NKAIN2: variants seen among roughly 807,000 people sequenced by gnomAD.
NKAIN2 encodes sodium/potassium-transporting ATPase subunit beta-1-interacting protein 2.
A neutral mutation model predicts 32.6 loss-of-function variants in NKAIN2; 14 were observed. The ratio of observed to expected loss-of-function variants is 0.43; its 90% CI spans 0.28 to 0.67. The LOEUF (loss-of-function observed/expected upper bound fraction) is 0.67. NKAIN2 is among the 30% of genes least tolerant of loss of function. The pLI is 0.17. For synonymous variants in NKAIN2, 80 were observed against 87.2 expected, an observed-to-expected ratio of 0.92 and a Z score of 0.46; for missense variants, 198 against 258.3, an observed-to-expected ratio of 0.77 and a Z score of 1.60.
At chr6:124,250,786 A>G (rs1793659984) in intron 1 of NKAIN2, among the ~76,000 whole-genome samples, 1 of 152,028 alleles carries the variant, frequency 6.6e-6, no homozygotes. Context: ...CTAAGTATAT[A>G]TGAGTAAATA....
At chr6:124,258,313 C>T (rs1004266630) in intron 1 of NKAIN2, among the ~76,000 whole-genome samples, 1 of 152,062 alleles carries the variant, frequency 6.6e-6, no homozygotes, top group Non-Finnish European at 1.5e-5. Flanking sequence ...CCAGTGTGCC[C>T]TGTGACAGCA....
At chr6:123,887,452 G>GA (rs2114357396) in intron 1 of NKAIN2, among the ~76,000 whole-genome samples, 1 of 152,190 alleles carries the variant, frequency 6.6e-6, no homozygotes, top group South Asian at 2.1e-4. Flanking sequence ...AAACCAGATG[G>GA]AAAAATCAGG....
At chr6:123,943,729 T>G (rs1386126715) in intron 1 of NKAIN2, among the ~76,000 whole-genome samples, 1 of 152,064 alleles carries the variant, frequency 6.6e-6, no homozygotes, top group African/African-American at 2.4e-5. Flanking sequence ...AAAATAGACT[T>G]TAATGTATAC....
rs1269427562 is a variant in NKAIN2 at position 124,396,529 on chromosome 6, A to G, written c.273+41182A>G. The stretch of plus-strand genomic sequence containing the variant: ...GGCATCGGCTGACTAGTAGAGATAC[A>G]TAAGGGGAATAGTTTTAATGAAACA... On this transcript the variant is annotated intron_variant, in intron 3 of 6. Transcript: ENST00000368417. 2.0e-5 allele frequency among the ~76,000 whole-genome samples: 3 copies of G among 152,072 alleles called. No homozygotes were observed. The East Asian group carries it at 5.8e-4, about 29-fold the overall frequency.
chr6:124,380,475 G>A (rs1441571441), intron 3 of NKAIN2, among the ~76,000 whole-genome samples: 1 of 152,140 alleles, frequency 6.6e-6, no homozygotes, highest in Non-Finnish European at 1.5e-5. Flanking sequence ...TTTAAGAATT[G>A]AGTGTGCCAT....
rs77248762 is a variant in NKAIN2 at position 124,780,982 on chromosome 6, G to C, written c.475-10357G>C. ...CTCCTCTGTGATTTGTCTGGTAGCT[G>C]AGCCACTTTGTTTCTTGATGATTTC... On this transcript the variant is annotated intron_variant, in intron 4 of 6. Coordinates refer to ENST00000368417, the MANE Select transcript of NKAIN2 (RefSeq NM_001040214.3). Among the ~76,000 whole-genome samples the C allele has an allele frequency of 2.0e-5, 3 of 152,268 alleles. No homozygotes were observed. In the East Asian group the frequency reaches 5.8e-4, roughly 29 times the overall value.
intron 1 of NKAIN2, among the ~76,000 whole-genome samples, chr6:124,017,811 G>T (rs759833975): frequency 6.6e-6 from 1 of 152,018 alleles, no homozygotes; most frequent in Non-Finnish European, 1.5e-5. Flanking sequence ...TCCCAGCCTG[G>T]CATTTAGTTT....
intron 1 of NKAIN2, among the ~76,000 whole-genome samples, chr6:124,080,676 A>G (rs1023638652): frequency 1.3e-5 from 2 of 152,084 alleles, no homozygotes; most frequent in Admixed American, 1.3e-4. Context: ...CTTTAACTTT[A>G]TGGCCCTCCC....
At chr6:123,827,707 A>G (rs1437722862) in intron 1 of NKAIN2, among the ~76,000 whole-genome samples, 1 of 152,182 alleles carries the variant, frequency 6.6e-6, no homozygotes, top group African/African-American at 2.4e-5. Flanking sequence ...ACTCAGAAAT[A>G]TTTAAAAATG....
intron 3 of NKAIN2, among the ~76,000 whole-genome samples, chr6:124,656,555 A>C (rs942700519): frequency 3.3e-5 from 5 of 152,052 alleles, no homozygotes; most frequent in Non-Finnish European, 5.9e-5. Context: ...GTCTCGAGAC[A>C]CTTTTCTGGG....
intron 3 of NKAIN2, among the ~76,000 whole-genome samples, chr6:124,459,265 A>C (rs1776438616): frequency 6.6e-6 from 1 of 151,874 alleles, no homozygotes; most frequent in Admixed American, 6.6e-5. Context: ...GTCTGAACAA[A>C]GTCCGCAAAA....
intron 4 of NKAIN2, among the ~76,000 whole-genome samples, chr6:124,690,670 A>T (rs893455325): frequency 3.3e-5 from 5 of 151,990 alleles, no homozygotes; most frequent in Non-Finnish European, 7.4e-5. Context: ...TTTTTTTGCC[A>T]CAGTTTGGCT....
chr6:124,810,182 A>G (rs1780821034), intron 5 of NKAIN2, among the ~76,000 whole-genome samples: 3 of 152,218 alleles, frequency 2.0e-5, no homozygotes, highest in Admixed American at 2.0e-4. Flanking sequence ...ACACATGCAC[A>G]CATATGTTTA....
intron 1 of NKAIN2, among the ~76,000 whole-genome samples, chr6:124,248,028 C>A (rs1793503161): frequency 1.3e-5 from 2 of 152,114 alleles, no homozygotes; most frequent in South Asian, 2.1e-4. Context: ...AAAATCGTAG[C>A]CTTTTCTCCT....
intron 4 of NKAIN2, among the ~76,000 whole-genome samples, chr6:124,663,898 TTCTC>T (rs1410557310): frequency 6.6e-6 from 1 of 152,156 alleles, no homozygotes; most frequent in Non-Finnish European, 1.5e-5. Flanking sequence ...CCTTCAATGC[TTCTC>T]TATTTAGAGA....
chr6:124,041,213 A>G (rs1350257417), intron 1 of NKAIN2, among the ~76,000 whole-genome samples: 1 of 152,040 alleles, frequency 6.6e-6, no homozygotes, highest in East Asian at 1.9e-4. Context: ...AAGGGGAAGC[A>G]TCACTCCTGT....
chr6:124,700,970 T>C (rs1774753244), intron 4 of NKAIN2, among the ~76,000 whole-genome samples: 1 of 151,058 alleles, frequency 6.6e-6, no homozygotes, highest in Admixed American at 6.6e-5. Context: ...ATAAATATTG[T>C]AATTAGAACA....
chr6:123,992,760 G>A (rs1377153363), intron 1 of NKAIN2, among the ~76,000 whole-genome samples: 1 of 152,156 alleles, frequency 6.6e-6, no homozygotes, highest in Non-Finnish European at 1.5e-5. Flanking sequence ...TAATTCAATG[G>A]CCAACTAAAA....
At chr6:124,780,892 T>G (rs373537735) in intron 4 of NKAIN2, among the ~76,000 whole-genome samples, 6 of 152,122 alleles carry the variant, frequency 3.9e-5, no homozygotes, top group African/African-American at 1.4e-4. Flanking sequence ...AAATGGTAAT[T>G]AAATGAGTGG....
Sources: gnomAD v4.1 joint callset for allele counts (sites outside exome capture counted in the v4.1 genomes callset) on GRCh38, gnomAD v4.1.1 for gene constraint, MANE v1.5 for transcripts, NCBI Gene and HGNC (gene_info 2026-07-23, HGNC 2026-07-21) for gene names.